TBL1X: variants seen among roughly 807,000 people sequenced by gnomAD.
TBL1X encodes the protein transducin beta like 1 X-linked.
A neutral mutation model predicts 50.7 loss-of-function variants in TBL1X; 10 were observed. The observed-to-expected ratio is 0.20, with a 90% CI of 0.12 to 0.33. The LOEUF (loss-of-function observed/expected upper bound fraction) is 0.33, where lower values mean the gene tolerates loss of function less well. Ranked by LOEUF, TBL1X falls within the 10% of genes least tolerant of loss-of-function variation. TBL1X has a pLI of 1.00. For missense variants in TBL1X, 340 were observed against 504.4 expected, an observed-to-expected ratio of 0.67 and a Z score of 3.12; for synonymous variants, 190 against 214.7, an observed-to-expected ratio of 0.88 and a Z score of 1.01.
chrX:9,584,132 C>A (rs2082456153), intron 2 of TBL1X, among the ~76,000 whole-genome samples: 1 of 111,951 alleles, frequency 8.9e-6, no homozygotes, highest in Admixed American at 9.5e-5. Context: ...TTGTTGCTGG[C>A]AGGCATTGCA....
At chrX:9,549,647 C>T (rs1342760591) in intron 2 of TBL1X, among the ~76,000 whole-genome samples, 1 of 111,768 alleles carries the variant, frequency 8.9e-6, no homozygotes, top group Non-Finnish European at 1.9e-5. Flanking sequence ...GTAAAAGCCA[C>T]TTACTTTCGT....
intron 1 of TBL1X, among the ~76,000 whole-genome samples, chrX:9,499,329 G>A (rs761759014): frequency 2.7e-5 from 3 of 111,422 alleles, no homozygotes; most frequent in East Asian, 2.8e-4. Context: ...CCCTTGATGC[G>A]ACCTGAGGAC....
chrX:9,671,097 C>A (rs184495951), intron 5 of TBL1X, among the ~76,000 whole-genome samples: 1 of 111,752 alleles, frequency 8.9e-6, no homozygotes, highest in Non-Finnish European at 1.9e-5. Context: ...TATGTTGGGA[C>A]CCCCCAAGAC....
rs1601818984 is a variant in TBL1X, at chrX:9,654,245, C to T, written c.134C>T (p.Ser45Leu). The T allele has an allele frequency of 3.3e-6, 4 of 1,210,417 alleles. No individual in the cohort carries two copies. The highest frequency in any genetic ancestry group is 3.4e-6 in the Non-Finnish European group (3 of 895,313). ...GGTTCCCACTTCATCAACACCTCAT[C>T]GCCGCGAGGTGAGGCTAAGATGAGC... Reference protein sequence around the residue: ...EGGSHFINTSSPRGEAKMSIT... With the variant: ...EGGSHFINTSLPRGEAKMSIT... The change falls in exon 5 of 18, where the codon TCG becomes TTG. Residue 45 changes from serine (S) to leucine (L), a missense_variant. Physicochemically the swap from Ser to Leu is moderately radical, Grantham distance 145. This residue lies in a region of TBL1X where 41 missense variants were observed against 48.6 expected (regional missense o/e 0.84). Transcript: ENST00000645353.
intron 5 of TBL1X, among the ~76,000 whole-genome samples, chrX:9,665,146 G>A (rs1018491236): frequency 3.6e-4 from 39 of 109,419 alleles, no homozygotes; most frequent in African/African-American, 1.2e-3. Flanking sequence ...AGACGTTCAC[G>A]GCAAGCAAAA....
chrX:9,598,494 C>T (rs1345581712), intron 2 of TBL1X, among the ~76,000 whole-genome samples: 2 of 111,473 alleles, frequency 1.8e-5, no homozygotes, highest in Admixed American at 9.5e-5. Flanking sequence ...AGAGTTTGCT[C>T]GCTACCCCGG....
At chrX:9,657,548 C>G (rs1273992725) in intron 5 of TBL1X, among the ~76,000 whole-genome samples, 1 of 112,726 alleles carries the variant, frequency 8.9e-6, no homozygotes, top group African/African-American at 3.2e-5. Context: ...CACATCTCTT[C>G]AAACTCGGAA....
At chrX:9,632,503 G>A (rs945436558) in intron 2 of TBL1X, among the ~76,000 whole-genome samples, 2 of 111,079 alleles carry the variant, frequency 1.8e-5, no homozygotes, top group African/African-American at 3.3e-5. Context: ...GGCTGGTCTC[G>A]GACTCCTGGC....
In TBL1X at chrX:9,626,363, T is replaced by C. The variant is rs1399066942; in HGVS notation, c.-130-13910T>C. On this transcript the variant is annotated intron_variant, in intron 2 of 17. Transcript: ENST00000645353. ...AAATTTTTTAAATGGTGAGCTCTCT[T>C]TTTCTGTTTCAAGATTCGGTCATCC... Among the ~76,000 whole-genome samples, 4 of 111,679 alleles carry C rather than the reference T, an allele frequency of 3.6e-5. No homozygotes were observed. The East Asian group carries it at 1.1e-3, about 32-fold the overall frequency.
intron 2 of TBL1X, among the ~76,000 whole-genome samples, chrX:9,631,656 T>C (rs1277840220): frequency 8.9e-6 from 1 of 112,943 alleles, no homozygotes; most frequent in Non-Finnish European, 1.9e-5. Context: ...TTGTGCTACA[T>C]TTGCCGTATG....
chrX:9,570,945 C>G (rs199663145), intron 2 of TBL1X, among the ~76,000 whole-genome samples: 3 of 111,403 alleles, frequency 2.7e-5, no homozygotes, highest in African/African-American at 6.5e-5. Flanking sequence ...CCAAAGTGCT[C>G]GGATTACAGG....
chrX:9,653,673 A>G lies in TBL1X; in HGVS notation c.87A>G (p.Gln29=), dbSNP rs749306110. The G allele has an allele frequency of 8.6e-6, 10 of 1,168,914 alleles. No homozygotes were observed. Among genetic ancestry groups the G allele is most frequent in the South Asian group, 1.9e-5 (1 of 52,650 alleles). ...TGCAGTCAGTCTTGCACCACTTTCA[A>G]CGTTTGCGAGGGAGAGGTACTGCGG... is the stretch of plus-strand genomic sequence containing the variant. The part of the protein sequence containing the change: ...GAMQSVLHHF[Q]RLRGREGGSH... Residue 29 remains glutamine (Q), a synonymous_variant, in exon 4 of 18, where the codon CAA becomes CAG. Transcript: ENST00000645353.
chrX:9,519,803 G>A (rs1017918173), intron 2 of TBL1X, among the ~76,000 whole-genome samples: 2 of 111,789 alleles, frequency 1.8e-5, no homozygotes, highest in Non-Finnish European at 3.8e-5. Flanking sequence ...TTGGAGGAAC[G>A]GGGATAAAAA....
At chrX:9,684,351 G>T (rs184470326) in intron 6 of TBL1X, among the ~76,000 whole-genome samples, 163 bp downstream of exon 6, 1 of 110,884 alleles carries the variant, frequency 9.0e-6, no homozygotes, top group East Asian at 2.8e-4. Flanking sequence ...TTGGGAGGCC[G>T]AGGCAGGAAG....
At chrX:9,501,953 C>G (rs1026383557) in intron 2 of TBL1X, 104 bp downstream of exon 2, 7 of 111,599 alleles carry the variant, frequency 6.3e-5, no homozygotes, top group African/African-American at 2.3e-4. Flanking sequence ...CTATAGCCTC[C>G]TCTGGGAGTT....
At chrX:9,501,144 C>T (rs1202312349) in intron 1 of TBL1X, among the ~76,000 whole-genome samples, 1 of 111,843 alleles carries the variant, frequency 8.9e-6, no homozygotes, top group East Asian at 2.8e-4. Flanking sequence ...GAGAGGAGAC[C>T]TCATAGCATA....
chrX:9,709,170 T>C, intron 13 of TBL1X, 78 bp from the exon 14 acceptor site: 1 of 1,037,922 alleles, frequency 9.6e-7, no homozygotes, highest in South Asian at 2.0e-5. Context: ...GGTGGCGCGC[T>C]GCTGCCCCCT....
intron 2 of TBL1X, among the ~76,000 whole-genome samples, chrX:9,549,807 T>C (rs1020840492): frequency 9.0e-6 from 1 of 111,611 alleles, no homozygotes; most frequent in Non-Finnish European, 1.9e-5. Context: ...TCTTCGGGGA[T>C]AGGAGGGCTG....
intron 2 of TBL1X, among the ~76,000 whole-genome samples, chrX:9,551,642 G>T (rs765460536): frequency 1.8e-5 from 2 of 111,560 alleles, no homozygotes; most frequent in Admixed American, 9.5e-5. Flanking sequence ...CTATGAAGAG[G>T]GGGGAAGAAC....
Sources: gnomAD v4.1 joint callset for allele counts (sites outside exome capture counted in the v4.1 genomes callset) on GRCh38, gnomAD v4.1.1 for gene constraint, gnomAD v4.1.1 regional missense constraint, MANE v1.5 for transcripts, NCBI Gene and HGNC (gene_info 2026-07-23, HGNC 2026-07-21) for gene names.